SYTL2: variants seen among roughly 807,000 people sequenced by gnomAD.
SYTL2 encodes the protein synaptotagmin-like protein 2.
In SYTL2, 165 loss-of-function variants were observed where a neutral mutation model predicts 198.7. The ratio of observed to expected loss-of-function variants is 0.83; its 90% CI spans 0.73 to 0.94. SYTL2 has a LOEUF of 0.94. SYTL2 is among the 40% of genes least tolerant of loss of function. SYTL2 has a pLI of 0.00. For missense variants in SYTL2, 2,835 were observed against 2,582.8 expected (o/e 1.10, Z -2.12); for synonymous variants, 966 against 917.7 (o/e 1.05, Z -0.95).
Position 85,780,803 on chromosome 11 carries a change from A to G in SYTL2, c.-389-22689T>C, listed in dbSNP as rs559902133. Among the ~76,000 whole-genome samples the G allele has an allele frequency of 2.0e-5, 3 of 152,372 alleles. No homozygotes were observed. In the East Asian group the frequency reaches 5.8e-4, roughly 29 times the overall value. On this transcript the variant is annotated intron_variant, in intron 1 of 19. Coordinates refer to ENST00000359152, the MANE Select transcript of SYTL2 (RefSeq NM_206927.4). ...TGAGAAATCCAATTTACAGTCAGTC[A>G]ATCAGAAATATAGGTGACAACCTAT...
At chr11:85,839,899 C>T in the SYTL2 span, among the ~76,000 whole-genome samples, 1 of 152,126 alleles carries the variant, frequency 6.6e-6, no homozygotes, top group African/African-American at 2.4e-5. Context: ...ACATTCCCAC[C>T]AACAGTGTAC....
At chr11:85,841,715 C>T in the SYTL2 span, among the ~76,000 whole-genome samples, 23,714 of 152,038 alleles carry the variant, frequency 0.16, 2,043 homozygotes, top group Middle Eastern at 0.2. Flanking sequence ...AAATAACTAA[C>T]GGGTACTAGG....
rs202109604 is a variant in SYTL2 at position 85,725,648 on chromosome 11, G to A, written c.3710C>T (p.Thr1237Ile). The A allele has an allele frequency of 9.3e-6, 15 of 1,613,996 alleles. No individual in the cohort carries two copies. Among genetic ancestry groups the A allele is most frequent in the Non-Finnish European group, 1.3e-5 (15 of 1,180,038 alleles). The change falls in exon 8 of 20, where the codon ACT becomes ATT. Residue 1237 changes from threonine (T) to isoleucine (I), a missense_variant. By Grantham distance (89) the Thr-to-Ile change is moderately conservative. Around this residue, in one of 3 missense-constraint regions of SYTL2, gnomAD observed 2,645 missense variants for 2,381.7 expected, o/e 1.11. Transcript: ENST00000359152. ...PLQAKLAPVI[T>I]GTNSKLEEGR... is the part of the protein sequence containing the mutation. Reference sequence around the variant, plus strand: ...CTCTTCCAGCTTAGAGTTGGTTCCAGTGATAACAGGCGCCAACTTGGCTTG... The same window carrying A: ...CTCTTCCAGCTTAGAGTTGGTTCCAATGATAACAGGCGCCAACTTGGCTTG...
At chr11:85,735,769 A>G (rs867536907) in intron 6 of SYTL2, among the ~76,000 whole-genome samples, 1 of 152,122 alleles carries the variant, frequency 6.6e-6, no homozygotes, top group South Asian at 2.1e-4. Context: ...AAAAAAAAAA[A>G]GAAAAGTTAA....
At chr11:85,837,511 T>C in the SYTL2 span, among the ~76,000 whole-genome samples, 3 of 152,364 alleles carry the variant, frequency 2.0e-5, no homozygotes, top group Admixed American at 6.5e-5. Context: ...TGTGGTATTT[T>C]GTTATGGCTG....
intron 1 of SYTL2, among the ~76,000 whole-genome samples, chr11:85,785,478 A>G (rs1380083122): frequency 6.6e-6 from 1 of 151,690 alleles, no homozygotes; most frequent in Non-Finnish European, 1.5e-5. Context: ...CAGTTTTATA[A>G]AAAGAAAAAC....
intron 11 of SYTL2, chr11:85,714,883 TCACTAACA>T: frequency 5.5e-6 from 1 of 182,338 alleles, no homozygotes; most frequent in South Asian, 1.2e-4. Context: ...TTGAGATATA[TCACTAACA>T]CACTGCAGGC....
intron 15 of SYTL2, among the ~76,000 whole-genome samples, chr11:85,706,141 T>C (rs1256548573): frequency 6.6e-6 from 1 of 152,254 alleles, no homozygotes; most frequent in Non-Finnish European, 1.5e-5. Flanking sequence ...ATATTTTGAA[T>C]ACCTATCCCA....
At chr11:85,781,347 T>C (rs942186620) in intron 1 of SYTL2, among the ~76,000 whole-genome samples, 1 of 151,966 alleles carries the variant, frequency 6.6e-6, no homozygotes, top group African/African-American at 2.4e-5. Flanking sequence ...ATGATTCAAT[T>C]ACCTCCCACC....
In SYTL2 at chr11:85,696,404, T is replaced by C. The variant is rs1292141994; in HGVS notation, c.6369-16A>G. 6.2e-7 allele frequency: 1 copy of C among 1,601,654 alleles called. No homozygotes were observed. The highest frequency in any genetic ancestry group is 1.7e-5 in the Admixed American group (1 of 59,984). ...AAGGATGGTACTACAAAAAGAGGCA[T>C]GATTGTGGGAGCATTTTAGTAAGAT... On this transcript the variant is annotated splice_polypyrimidine_tract_variant and intron_variant, in intron 18 of 19. Transcript: ENST00000359152.
chr11:85,835,678 G>C, the SYTL2 span, among the ~76,000 whole-genome samples: 18 of 152,160 alleles, frequency 1.2e-4, no homozygotes, highest in African/African-American at 4.1e-4. Context: ...TCCTGCTCCA[G>C]TTGGGGTGAT....
At chr11:85,742,745 A>C (rs1417643907) in intron 4 of SYTL2, among the ~76,000 whole-genome samples, 1 of 152,232 alleles carries the variant, frequency 6.6e-6, no homozygotes, top group Non-Finnish European at 1.5e-5. Flanking sequence ...CTTTAAAATG[A>C]AACAAAACTA....
At chr11:85,755,806 C>T (rs935182980) in intron 2 of SYTL2, among the ~76,000 whole-genome samples, 7 of 152,116 alleles carry the variant, frequency 4.6e-5, no homozygotes, top group African/African-American at 1.2e-4. Context: ...GCTTTCTCCT[C>T]GTAAGCTGAC....
intron 2 of SYTL2, among the ~76,000 whole-genome samples, chr11:85,749,905 C>T (rs541254046): frequency 9.9e-5 from 15 of 152,134 alleles, no homozygotes; most frequent in Admixed American, 2.0e-4. Flanking sequence ...TGTTTAGTGT[C>T]TGGAAAATAC....
chr11:85,773,693 A>G (rs1369810598), intron 1 of SYTL2, among the ~76,000 whole-genome samples: 3 of 152,226 alleles, frequency 2.0e-5, no homozygotes, highest in African/African-American at 7.2e-5. Flanking sequence ...ATTCCATCAA[A>G]GTACCACATT....
At chr11:85,722,327 C>T (rs1389160243) in intron 8 of SYTL2, among the ~76,000 whole-genome samples, 3 of 151,818 alleles carry the variant, frequency 2.0e-5, no homozygotes, top group South Asian at 2.1e-4. Context: ...ACAGCCACCA[C>T]CACGCCCGGC....
rs140868196 is a variant in SYTL2, at chr11:85,737,150, T to C, written c.471+425A>G. 3.5e-3 allele frequency among the ~76,000 whole-genome samples: 534 copies of C among 152,294 alleles called. 4 individuals are homozygous for C. Among genetic ancestry groups the C allele is most frequent in the African/African-American group, 0.013 (525 of 41,572 alleles). ...TATCAATAGAGGTTTTAAAAATTAA[T>C]ATAGGAATCAATAACAATGTTTACT... On this transcript the variant is annotated intron_variant, in intron 5 of 19. Transcript: ENST00000359152.
At chr11:85,697,667 T>A (rs1221738472) in intron 18 of SYTL2, among the ~76,000 whole-genome samples, 1 of 152,188 alleles carries the variant, frequency 6.6e-6, no homozygotes, top group Non-Finnish European at 1.5e-5. Context: ...GGGTGTGACA[T>A]CTTACCATTA....
In SYTL2 at chr11:85,725,222, CCA is replaced by C. The variant is rs749289879; in HGVS notation, c.4134_4135del (p.Cys1378TrpfsTer24). 6.2e-7 allele frequency: 1 copy of C among 1,614,166 alleles called. No homozygotes were observed. Among genetic ancestry groups the C allele is most frequent in the South Asian group, 1.1e-5 (1 of 91,082 alleles). On this transcript the variant is annotated frameshift_variant, in exon 8 of 20. Coordinates refer to ENST00000359152, the MANE Select transcript of SYTL2 (RefSeq NM_206927.4). LOFTEE classifies it high-confidence loss of function. ...AGCTGGATAACTTAACCATACTTCT[CCA>C]CACAGCTTCTGTAATGCAGCACTTA...
Sources: allele counts gnomAD v4.1 joint callset (sites outside exome capture counted in the v4.1 genomes callset), GRCh38; gene constraint gnomAD v4.1.1; regional missense constraint gnomAD v4.1.1; transcripts MANE v1.5; gene names NCBI Gene and HGNC (gene_info 2026-07-23, HGNC 2026-07-21).